The following ERO1B variants were observed in gnomAD, a reference collection of about 807,000 sequenced individuals.
The protein encoded by ERO1B is ERO1-like protein beta.
In ERO1B, 49 loss-of-function variants were observed where a neutral mutation model predicts 75.3. The ratio of observed to expected loss-of-function variants is 0.65; its 90% CI spans 0.52 to 0.83. The LOEUF (loss-of-function observed/expected upper bound fraction) is 0.83, where lower values mean the gene tolerates loss of function less well. Among genes scored for constraint, ERO1B ranks in the 40% least tolerant of loss-of-function variants. The pLI is 0.00. For synonymous variants in ERO1B, 191 were observed against 192.9 expected (o/e 0.99, Z 0.08); for missense variants, 512 against 560.1 (o/e 0.91, Z 0.87).
chr1:236,261,266 T>C (rs1609091), intron 2 of ERO1B, among the ~76,000 whole-genome samples: 37,733 of 152,100 alleles, frequency 0.25, 4,871 homozygotes, highest in East Asian at 0.38. Context: ...CGCCCACTCT[T>C]GCCACTTCTA....
chr1:236,279,917 G>C (rs1041018762), intron 1 of ERO1B, among the ~76,000 whole-genome samples: 2 of 151,726 alleles, frequency 1.3e-5, no homozygotes, highest in Admixed American at 6.6e-5. Context: ...AGACTGTTTG[G>C]CACAATGCTA....
chr1:236,215,126 A>G lies in ERO1B; in HGVS notation c.*3390T>C, dbSNP rs1167933973. Among the ~76,000 whole-genome samples, 2 of 152,234 alleles carry G rather than the reference A, an allele frequency of 1.3e-5. No individual in the cohort carries two copies. Among genetic ancestry groups the G allele is most frequent in the Non-Finnish European group, 2.9e-5 (2 of 68,038 alleles). The stretch of plus-strand genomic sequence containing the variant: ...CATATTTTATAAGCTTTATGATTCA[A>G]TACAAATCAAACAATGCTTTTAATT... On this transcript the variant is annotated 3_prime_UTR_variant, in exon 16 of 16. Transcript: ENST00000354619.
intron 13 of ERO1B, among the ~76,000 whole-genome samples, chr1:236,222,247 A>G (rs1038039710): frequency 6.6e-6 from 1 of 152,144 alleles, no homozygotes; most frequent in Non-Finnish European, 1.5e-5. Flanking sequence ...CAAGTAGCTT[A>G]GATTATAGGC....
intron 3 of ERO1B, 129 bp downstream of exon 3, chr1:236,253,293 G>T: frequency 1.6e-6 from 1 of 619,880 alleles, no homozygotes; most frequent in Non-Finnish European, 2.9e-6. Flanking sequence ...CTAAAGGAGA[G>T]AGCTGAGAGC....
intron 2 of ERO1B, among the ~76,000 whole-genome samples, chr1:236,259,407 C>G (rs551840650): frequency 6.6e-6 from 1 of 152,084 alleles, no homozygotes; most frequent in Non-Finnish European, 1.5e-5. Context: ...ACTTTGAATG[C>G]AAATGGATTA....
rs1026404923 is a variant in ERO1B, at chr1:236,281,487, C to T, written c.102+195G>A. ...ATTACCCGGAGTGTCGCCGTCCCCC[C>T]ACCCTGCGGGCGGTTCGCAGATGTT... On this transcript the variant is annotated intron_variant, in intron 1 of 15. Coordinates refer to ENST00000354619, the MANE Select transcript of ERO1B (RefSeq NM_019891.4). 32 of 398,500 alleles carry T rather than the reference C, an allele frequency of 8.0e-5. No individual in the cohort carries two copies. In the Admixed American group the frequency reaches 1.2e-3, roughly 15 times the overall value. The allele number at this position is 398,500 out of a possible 1,614,324, so 24.7% of individuals were successfully genotyped here. A position where few individuals can be genotyped will look rare whatever the true frequency, so the allele number is the denominator to read the frequency against.
intron 13 of ERO1B, among the ~76,000 whole-genome samples, chr1:236,224,351 T>C (rs1031348608): frequency 6.6e-6 from 1 of 151,984 alleles, no homozygotes. Context: ...TATGGTGGCT[T>C]GTGCCTGTAA....
intron 2 of ERO1B, among the ~76,000 whole-genome samples, chr1:236,263,736 A>T: frequency 2.0e-5 from 2 of 102,384 alleles, no homozygotes; most frequent in African/African-American, 3.8e-5. Context: ...TATATATCTT[A>T]TCTGTTTTAT....
At chr1:236,234,898 A>T (rs937992273) in intron 8 of ERO1B, among the ~76,000 whole-genome samples, 2 of 152,262 alleles carry the variant, frequency 1.3e-5, no homozygotes, top group African/African-American at 4.8e-5. Flanking sequence ...CCATTGAAAT[A>T]TAACGCCACA....
At chr1:236,233,309 C>CAAAAAAA (rs747020101) in intron 8 of ERO1B, among the ~76,000 whole-genome samples, 1 of 103,240 alleles carries the variant, frequency 9.7e-6, no homozygotes, top group Admixed American at 1.0e-4. Context: ...AATTCCGTCT[C>CAAAAAAA]AAAAAAAAAA....
rs79362010 is a variant in ERO1B at position 236,262,297 on chromosome 1, A to G, written c.222+7578T>C. Among the ~76,000 whole-genome samples the G allele has an allele frequency of 3.3e-3, 502 of 152,378 alleles. 2 individuals are homozygous for G. Among genetic ancestry groups the G allele is most frequent in the African/African-American group, 0.012 (483 of 41,598 alleles). ...AAACTGGATATTCACATTCACAGGA[A>G]TGAAACTGGATCCTTACCTCATACA... On this transcript the variant is annotated intron_variant, in intron 2 of 15. Coordinates refer to ENST00000354619, the MANE Select transcript of ERO1B (RefSeq NM_019891.4).
chr1:236,227,259 T>TA (rs5781870), intron 10 of ERO1B, among the ~76,000 whole-genome samples: 10,371 of 152,054 alleles, frequency 0.068, 741 homozygotes, highest in East Asian at 0.39. Context: ...TTCAACTAAT[T>TA]AAAAAAAGAA....
intron 2 of ERO1B, among the ~76,000 whole-genome samples, chr1:236,268,615 G>C (rs139028626): frequency 1.3e-5 from 2 of 151,958 alleles, no homozygotes; most frequent in Admixed American, 1.3e-4. Context: ...GGCCGGGCGC[G>C]GTGGCTCACG....
chr1:236,229,192 G>A (rs899355591), intron 10 of ERO1B, among the ~76,000 whole-genome samples: 19 of 152,310 alleles, frequency 1.2e-4, no homozygotes, highest in Non-Finnish European at 2.2e-4. Flanking sequence ...TTGGGAGGCT[G>A]AGGTGGGCAG....
At chr1:236,266,598 T>C (rs1401113529) in intron 2 of ERO1B, among the ~76,000 whole-genome samples, 2 of 151,450 alleles carry the variant, frequency 1.3e-5, no homozygotes, top group Non-Finnish European at 2.9e-5. Flanking sequence ...AGCAAGACTC[T>C]GTCTCAAAAA....
chr1:236,270,569 T>C (rs911613798), intron 1 of ERO1B, among the ~76,000 whole-genome samples: 3 of 152,158 alleles, frequency 2.0e-5, no homozygotes, highest in Non-Finnish European at 4.4e-5. Flanking sequence ...AAATCAATGA[T>C]CTTATCCACT....
At chr1:236,254,601 C>A (rs1263801717) in intron 2 of ERO1B, among the ~76,000 whole-genome samples, 1 of 152,056 alleles carries the variant, frequency 6.6e-6, no homozygotes, top group African/African-American at 2.4e-5. Flanking sequence ...CTCCCTATGT[C>A]TCAAGATCTT....
chr1:236,243,196 A>G (rs1664755603), intron 6 of ERO1B, among the ~76,000 whole-genome samples: 1 of 152,198 alleles, frequency 6.6e-6, no homozygotes, highest in African/African-American at 2.4e-5. Flanking sequence ...GATATGAAAT[A>G]ATACACACTT....
intron 4 of ERO1B, 80 bp downstream of exon 4, chr1:236,251,970 T>C: frequency 1.9e-6 from 2 of 1,066,458 alleles, no homozygotes; most frequent in Non-Finnish European, 2.8e-6. Flanking sequence ...ATATGGTTCT[T>C]TACTACAGCC....
Sources: allele counts gnomAD v4.1 joint callset (sites outside exome capture counted in the v4.1 genomes callset), GRCh38; gene constraint gnomAD v4.1.1; transcripts MANE v1.5; gene names NCBI Gene and HGNC (gene_info 2026-07-23, HGNC 2026-07-21).